CAMK2D: variants seen among roughly 807,000 people sequenced by gnomAD.
CAMK2D encodes the protein calcium/calmodulin-dependent protein kinase type II subunit delta.
A neutral mutation model predicts 84.0 loss-of-function variants in CAMK2D; 37 were observed. The observed-to-expected ratio is 0.44, with a 90% CI of 0.34 to 0.58. CAMK2D has a LOEUF of 0.58. Among genes scored for constraint, CAMK2D ranks in the 20% least tolerant of loss-of-function variants. CAMK2D has a pLI of 0.02. For synonymous variants in CAMK2D, 202 were observed against 212.5 expected (o/e 0.95, Z 0.43); for missense variants, 448 against 652.5 (o/e 0.69, Z 3.41).
intron 2 of CAMK2D, among the ~76,000 whole-genome samples, chr4:113,733,402 C>A (rs1280663301): frequency 6.6e-6 from 1 of 152,170 alleles, no homozygotes; most frequent in Non-Finnish European, 1.5e-5. Flanking sequence ...CAAAGAGTAA[C>A]TAGATGCTGT....
intron 2 of CAMK2D, among the ~76,000 whole-genome samples, chr4:113,718,072 A>G (rs979168560): frequency 3.9e-5 from 6 of 152,146 alleles, no homozygotes; most frequent in Non-Finnish European, 2.9e-5. Context: ...TAACTGCCCA[A>G]TGGGTTTTCT....
At chr4:113,511,287 T>G (rs896561742) in intron 12 of CAMK2D, among the ~76,000 whole-genome samples, 3 of 152,170 alleles carry the variant, frequency 2.0e-5, no homozygotes, top group Admixed American at 2.0e-4. Context: ...ATTCTTCAGT[T>G]GATTTTGAAG....
intron 8 of CAMK2D, among the ~76,000 whole-genome samples, chr4:113,520,355 C>G (rs933047648): frequency 6.6e-6 from 1 of 151,984 alleles, no homozygotes; most frequent in African/African-American, 2.4e-5. Context: ...TTGCAGTGAG[C>G]CAAGGTCGTG....
At chr4:113,734,908 A>AAAG (rs1188123305) in intron 2 of CAMK2D, among the ~76,000 whole-genome samples, 1 of 151,782 alleles carries the variant, frequency 6.6e-6, no homozygotes, top group African/African-American at 2.4e-5. Context: ...AAAAAAAAAA[A>AAAG]AAGAAGCAGA....
intron 16 of CAMK2D, among the ~76,000 whole-genome samples, chr4:113,474,545 C>T (rs966075528): frequency 8.9e-5 from 12 of 135,104 alleles, no homozygotes; most frequent in Non-Finnish European, 1.5e-4. Context: ...AGCAATCCAG[C>T]TGCCCCTGGG....
chr4:113,686,983 C>T (rs899391124), intron 2 of CAMK2D, among the ~76,000 whole-genome samples: 1 of 151,714 alleles, frequency 6.6e-6, no homozygotes, highest in African/African-American at 2.4e-5. Flanking sequence ...AAATGTAAAA[C>T]TCCAGATTCA....
rs535255229 is a variant in CAMK2D, at chr4:113,633,580, T to A, written c.221-24374A>T. ...AAATTACACTTCCAGGGGGAATTAA[T>A]GTCACAGTATATTTAGTCATTGCTA... On this transcript the variant is annotated intron_variant, in intron 3 of 20. Transcript: ENST00000511664. Among the ~76,000 whole-genome samples the A allele has an allele frequency of 3.3e-5, 5 of 152,294 alleles. No homozygotes were observed. The East Asian group carries it at 9.6e-4, about 29-fold the overall frequency.
At chr4:113,656,211 A>T (rs1405597239) in intron 3 of CAMK2D, among the ~76,000 whole-genome samples, 1 of 152,162 alleles carries the variant, frequency 6.6e-6, no homozygotes, top group Non-Finnish European at 1.5e-5. Flanking sequence ...TGTCAGCTAT[A>T]ATCTTTCCAG....
At chr4:113,522,043 C>A (rs187362524) in intron 8 of CAMK2D, among the ~76,000 whole-genome samples, 3,096 of 150,668 alleles carry the variant, frequency 0.021, 98 homozygotes, top group African/African-American at 0.07. Context: ...CTAGAGATGT[C>A]CGGTTAATAA....
intron 3 of CAMK2D, among the ~76,000 whole-genome samples, chr4:113,659,409 G>A (rs2099217899): frequency 6.6e-6 from 1 of 152,182 alleles, no homozygotes; most frequent in African/African-American, 2.4e-5. Flanking sequence ...TGCTAATCCT[G>A]ATAGCACACT....
intron 2 of CAMK2D, chr4:113,759,077 T>C (rs1454866267): frequency 3.8e-6 from 1 of 262,094 alleles, no homozygotes; most frequent in Non-Finnish European, 7.1e-6. Flanking sequence ...TAGTTATTCA[T>C]GCTATTGCTC....
At position 113,646,765 on chromosome 4, in the gene CAMK2D, C is replaced by T. The variant is rs114913599; in HGVS notation, c.220+14948G>A. On this transcript the variant is annotated intron_variant, in intron 3 of 20. Coordinates refer to ENST00000511664, the MANE Select transcript of CAMK2D (RefSeq NM_001321571.2). ...AGGCCTTGCAAGCCTTGCATGCCAT[C>T]CCCTCGTTCTCTGAGTGCAGTGGGA... Among the ~76,000 whole-genome samples the T allele has an allele frequency of 4.4e-3, 670 of 152,308 alleles. 5 individuals are homozygous for T. The highest frequency in any genetic ancestry group is 0.015 in the African/African-American group (627 of 41,554).
chr4:113,601,872 T>A (rs2098954701), intron 4 of CAMK2D, among the ~76,000 whole-genome samples: 2 of 151,724 alleles, frequency 1.3e-5, no homozygotes. Context: ...TTTTTAAAAC[T>A]TTTTTGTAGA....
chr4:113,673,127 T>C (rs2099299729), intron 2 of CAMK2D, among the ~76,000 whole-genome samples: 1 of 152,080 alleles, frequency 6.6e-6, no homozygotes, highest in South Asian at 2.1e-4. Context: ...GAACATTCTG[T>C]ACCACCTCCT....
Position 113,454,353 on chromosome 4 carries a change from A to G in CAMK2D, c.*192T>C. On this transcript the variant is annotated 3_prime_UTR_variant, in exon 21 of 21. Coordinates refer to ENST00000511664, the MANE Select transcript of CAMK2D (RefSeq NM_001321571.2). ...GTTGAAGTGTAAACAATGTATAGGA[A>G]GGAATATATGATAAGATGATGCATC... 1 of 519,558 alleles carries G rather than the reference A, an allele frequency of 1.9e-6. No homozygotes were observed. The highest frequency in any genetic ancestry group is 3.0e-5 in the East Asian group (1 of 33,088). The allele number at this position is 519,558 out of a possible 1,614,324, so 32.2% of individuals were successfully genotyped here. A position where few individuals can be genotyped will look rare whatever the true frequency, so the allele number is the denominator to read the frequency against.
intron 2 of CAMK2D, among the ~76,000 whole-genome samples, chr4:113,689,015 C>T (rs936503051): frequency 2.0e-5 from 3 of 149,974 alleles, no homozygotes; most frequent in Admixed American, 6.7e-5. Flanking sequence ...GAGGCCAAGG[C>T]GGGCAGATCA....
At position 113,611,084 on chromosome 4, in the gene CAMK2D, T is replaced by C. The variant is rs2098998464; in HGVS notation, c.221-1878A>G. Among the ~76,000 whole-genome samples, 3 of 151,728 alleles carry C rather than the reference T, an allele frequency of 2.0e-5. No individual in the cohort carries two copies. The South Asian group carries it at 6.2e-4, about 32-fold the overall frequency. Reference sequence around the variant, plus strand: ...CACACACACACACACACACAATGTATATAAATAAAATAAGAAGATGGCTAC... The same window carrying C: ...CACACACACACACACACACAATGTACATAAATAAAATAAGAAGATGGCTAC... On this transcript the variant is annotated intron_variant, in intron 3 of 20. Coordinates refer to ENST00000511664, the MANE Select transcript of CAMK2D (RefSeq NM_001321571.2).
intron 16 of CAMK2D, among the ~76,000 whole-genome samples, chr4:113,479,624 C>T (rs1009200759): frequency 1.3e-5 from 2 of 152,122 alleles, no homozygotes; most frequent in African/African-American, 2.4e-5. Context: ...CCATCAGTTT[C>T]GATTTTAAAG....
At chr4:113,570,002 T>C (rs1369510034) in intron 4 of CAMK2D, among the ~76,000 whole-genome samples, 1 of 146,404 alleles carries the variant, frequency 6.8e-6, no homozygotes, top group Non-Finnish European at 1.5e-5. Context: ...AACAACAGAG[T>C]ATATGAAAAA....
Sources: gnomAD v4.1 joint callset for allele counts (sites outside exome capture counted in the v4.1 genomes callset) on GRCh38, gnomAD v4.1.1 for gene constraint, MANE v1.5 for transcripts, NCBI Gene and HGNC (gene_info 2026-07-23, HGNC 2026-07-21) for gene names.